The following GPC5 variants were observed in gnomAD, a reference collection of about 807,000 sequenced individuals.
GPC5 encodes the protein glypican 5.
GPC5 carries 47 observed loss-of-function variants against 53.9 expected under a neutral mutation model. The observed-to-expected ratio is 0.87, with a 90% CI of 0.69 to 1.11. GPC5 has a LOEUF of 1.11. Ranked by LOEUF, GPC5 falls within the 50% of genes most tolerant of loss-of-function variation. The pLI, the probability that GPC5 is intolerant of heterozygous loss-of-function variation, is 0.00. For missense variants in GPC5, 748 were observed against 713.1 expected, an observed-to-expected ratio of 1.05 and a Z score of -0.56; for synonymous variants, 286 against 263.3, an observed-to-expected ratio of 1.09 and a Z score of -0.84.
chr13:92,413,205 C>T (rs1333658975), intron 7 of GPC5, among the ~76,000 whole-genome samples: 4 of 152,166 alleles, frequency 2.6e-5, no homozygotes, highest in Non-Finnish European at 4.4e-5. Flanking sequence ...AAATACAGTG[C>T]TATTCCTTCT....
intron 7 of GPC5, among the ~76,000 whole-genome samples, chr13:92,197,662 T>A: frequency 1.6e-5 from 1 of 62,570 alleles, no homozygotes; most frequent in Admixed American, 1.6e-4. Flanking sequence ...CACATCTGGC[T>A]AATTTTTTTT....
chr13:91,571,788 C>CGT (rs1264050797), intron 2 of GPC5, among the ~76,000 whole-genome samples: 3 of 125,792 alleles, frequency 2.4e-5, no homozygotes, highest in African/African-American at 7.0e-5. Context: ...CACACATATA[C>CGT]GTGTGTGTAT....
intron 5 of GPC5, among the ~76,000 whole-genome samples, chr13:91,774,550 C>T (rs564629278): frequency 1.3e-5 from 2 of 152,062 alleles, no homozygotes; most frequent in African/African-American, 2.4e-5. Context: ...GAAATCAGTC[C>T]GTAAGGAATT....
At chr13:91,480,092 G>A (rs1262619958) in intron 2 of GPC5, among the ~76,000 whole-genome samples, 5 of 152,166 alleles carry the variant, frequency 3.3e-5, no homozygotes, top group Non-Finnish European at 7.3e-5. Context: ...ATATCAGAGT[G>A]AAAGATGTTC....
rs369156680 is a variant in GPC5, at chr13:91,549,232, G to T, written c.325+100310G>T. Among the ~76,000 whole-genome samples, 231 of 150,050 alleles carry T rather than the reference G, an allele frequency of 1.5e-3. 2 individuals carry two copies. In the South Asian group the frequency reaches 0.045, roughly 29 times the overall value. ...TGCAGTGAGCCAAAATCATGCCATTGTATTCCAGCCTGGGCAACAAGAGCA... is the reference window on the plus strand; with the variant it reads ...TGCAGTGAGCCAAAATCATGCCATTTTATTCCAGCCTGGGCAACAAGAGCA... On this transcript the variant is annotated intron_variant, in intron 2 of 7. Transcript: ENST00000377067.
intron 7 of GPC5, among the ~76,000 whole-genome samples, chr13:92,481,225 C>T (rs761148958): frequency 7.9e-5 from 12 of 152,088 alleles, no homozygotes; most frequent in South Asian, 2.1e-4. Context: ...CTCAGCCTCC[C>T]GAGTAGCTGG....
intron 7 of GPC5, chr13:92,241,615 A>T (rs1348876807): frequency 6.6e-6 from 1 of 152,202 alleles, no homozygotes; most frequent in African/African-American, 2.4e-5. Context: ...CAGCAATTTT[A>T]GTGAGAGCCT....
chr13:92,850,324 G>A (rs1345271783), intron 7 of GPC5, among the ~76,000 whole-genome samples: 1 of 152,148 alleles, frequency 6.6e-6, no homozygotes, highest in Non-Finnish European at 1.5e-5. Flanking sequence ...GATAGGCTGG[G>A]CACAGTTATT....
At chr13:91,713,882 C>A (rs557658047) in intron 3 of GPC5, among the ~76,000 whole-genome samples, 1 of 152,258 alleles carries the variant, frequency 6.6e-6, no homozygotes, top group Non-Finnish European at 1.5e-5. Flanking sequence ...AGCCAACTAT[C>A]ATATTCTTGC....
At position 91,551,132 on chromosome 13, in the gene GPC5, G is replaced by A. The variant is rs77402582; in HGVS notation, c.325+102210G>A. The stretch of plus-strand genomic sequence containing the variant: ...AAGTAACTGAACCAGAGCATTTCAT[G>A]TGGTGCTTGGTACATGATATGTCAT... On this transcript the variant is annotated intron_variant, in intron 2 of 7. Coordinates refer to ENST00000377067, the MANE Select transcript of GPC5 (RefSeq NM_004466.6). Among the ~76,000 whole-genome samples the A allele has an allele frequency of 6.6e-5, 10 of 150,532 alleles. No individual in the cohort carries two copies. In the East Asian group the frequency reaches 1.6e-3, roughly 24 times the overall value.
chr13:92,263,016 A>T (rs1458711794), intron 7 of GPC5, among the ~76,000 whole-genome samples: 1 of 152,194 alleles, frequency 6.6e-6, no homozygotes, highest in Non-Finnish European at 1.5e-5. Context: ...TGTCATAAAG[A>T]TGGAACACCT....
At chr13:91,780,534 C>A (rs1268504705) in intron 5 of GPC5, among the ~76,000 whole-genome samples, 2 of 152,170 alleles carry the variant, frequency 1.3e-5, no homozygotes, top group Admixed American at 6.5e-5. Flanking sequence ...CTTCTATGAG[C>A]TTTAAGCTTC....
At chr13:91,442,495 A>G (rs560522523) in intron 1 of GPC5, among the ~76,000 whole-genome samples, 1 of 152,176 alleles carries the variant, frequency 6.6e-6, no homozygotes, top group Non-Finnish European at 1.5e-5. Flanking sequence ...GATCTCTAGA[A>G]CTTTATTTTG....
At chr13:91,833,982 T>C (rs2038693835) in intron 5 of GPC5, among the ~76,000 whole-genome samples, 1 of 152,118 alleles carries the variant, frequency 6.6e-6, no homozygotes, top group South Asian at 2.1e-4. Context: ...CATGAGTGTA[T>C]ATTTAAAAAA....
intron 6 of GPC5, among the ~76,000 whole-genome samples, chr13:92,130,042 CA>C (rs895732101): frequency 3.9e-5 from 6 of 151,966 alleles, no homozygotes; most frequent in Non-Finnish European, 7.4e-5. Context: ...TGAACTAAAA[CA>C]AAAGCCTCAA....
intron 2 of GPC5, among the ~76,000 whole-genome samples, chr13:91,546,601 T>C (rs76675127): frequency 0.031 from 4,753 of 152,190 alleles, 102 homozygotes; most frequent in Middle Eastern, 0.054. Context: ...TTCTTTGATA[T>C]GTATGTCATG....
At chr13:91,478,938 C>G (rs9556092) in intron 2 of GPC5, among the ~76,000 whole-genome samples, 77,185 of 128,046 alleles carry the variant, frequency 0.6, 24,581 homozygotes, top group African/African-American at 0.8. Flanking sequence ...TCTTTAGATG[C>G]AGTCTTGTTC....
intron 6 of GPC5, among the ~76,000 whole-genome samples, chr13:91,956,317 T>A (rs2040073312): frequency 6.6e-6 from 1 of 152,102 alleles, no homozygotes; most frequent in South Asian, 2.1e-4. Flanking sequence ...CCCACCAGCA[T>A]GCATTACTTA....
At chr13:91,681,184 T>C (rs2139732637) in intron 2 of GPC5, among the ~76,000 whole-genome samples, 1 of 152,288 alleles carries the variant, frequency 6.6e-6, no homozygotes, top group African/African-American at 2.4e-5. Flanking sequence ...TTATTTGCCA[T>C]TGTAAAAGTG....
Sources: allele counts gnomAD v4.1 joint callset (sites outside exome capture counted in the v4.1 genomes callset), GRCh38; gene constraint gnomAD v4.1.1; transcripts MANE v1.5; gene names NCBI Gene and HGNC (gene_info 2026-07-23, HGNC 2026-07-21).